NXPH2: variants seen among roughly 807,000 people sequenced by gnomAD.
NXPH2 encodes neurexophilin 2, also known as neurexophilin-2.
Under a neutral mutation model 19.8 loss-of-function variants are expected in NXPH2, and 5 were observed. The ratio of observed to expected loss-of-function variants is 0.25; its 90% CI spans 0.13 to 0.53. The LOEUF is 0.53. Ranked by LOEUF, NXPH2 falls within the 20% of genes least tolerant of loss-of-function variation. The probability of loss-of-function intolerance (pLI) is 0.96; values close to 1 mark genes in which losing one functional copy is unlikely to be tolerated. For synonymous variants in NXPH2, 154 were observed against 127.4 expected (o/e 1.21, Z -1.41); for missense variants, 289 against 322.8 (o/e 0.90, Z 0.80).
intron 1 of NXPH2, among the ~76,000 whole-genome samples, chr2:138,750,051 T>C (rs929274359): frequency 6.6e-6 from 1 of 152,122 alleles, no homozygotes; most frequent in Non-Finnish European, 1.5e-5. Flanking sequence ...TTAAACATCG[T>C]TTTCTTCTCC....
chr2:138,775,001 T>A (rs536686027), intron 1 of NXPH2, among the ~76,000 whole-genome samples: 4 of 152,238 alleles, frequency 2.6e-5, no homozygotes, highest in Non-Finnish European at 5.9e-5. Context: ...CATTATAGTT[T>A]AAGTTTATAA....
At chr2:138,769,097 C>T (rs558679877) in intron 1 of NXPH2, among the ~76,000 whole-genome samples, 2 of 152,290 alleles carry the variant, frequency 1.3e-5, no homozygotes, top group East Asian at 1.9e-4. Flanking sequence ...AAAAGAGAAT[C>T]GCAATCTCAC....
intron 1 of NXPH2, among the ~76,000 whole-genome samples, chr2:138,751,647 T>C (rs1681831701): frequency 6.6e-6 from 1 of 152,144 alleles, no homozygotes; most frequent in African/African-American, 2.4e-5. Flanking sequence ...AGGAGACATA[T>C]AATATAACCA....
intron 1 of NXPH2, among the ~76,000 whole-genome samples, chr2:138,739,646 C>T (rs1368015429): frequency 3.3e-5 from 5 of 152,092 alleles, no homozygotes; most frequent in African/African-American, 9.7e-5. Flanking sequence ...AGGTTGAGGA[C>T]GTTTGACTTT....
chr2:138,685,599 C>A (rs901159358), intron 1 of NXPH2, among the ~76,000 whole-genome samples: 2 of 152,188 alleles, frequency 1.3e-5, no homozygotes, highest in Non-Finnish European at 2.9e-5. Context: ...AGAACTCTTA[C>A]TTTAGTTGGG....
intron 1 of NXPH2, among the ~76,000 whole-genome samples, chr2:138,765,988 A>G (rs1306947985): frequency 6.6e-6 from 1 of 152,234 alleles, no homozygotes. Context: ...CAGCCCTAAC[A>G]ACTGATAATA....
At chr2:138,683,478 GGA>G (rs1315408069) in intron 1 of NXPH2, among the ~76,000 whole-genome samples, 1 of 152,208 alleles carries the variant, frequency 6.6e-6, no homozygotes, top group Non-Finnish European at 1.5e-5. Context: ...TGAGGGATGA[GGA>G]GACGTATACA....
chr2:138,719,055 G>A (rs2104992445), intron 1 of NXPH2, among the ~76,000 whole-genome samples: 1 of 152,202 alleles, frequency 6.6e-6, no homozygotes, highest in South Asian at 2.1e-4. Flanking sequence ...GTTTATTCCT[G>A]GGGAGAGAAT....
chr2:138,722,999 GA>G (rs991379881), intron 1 of NXPH2, among the ~76,000 whole-genome samples: 1 of 152,058 alleles, frequency 6.6e-6, no homozygotes, highest in African/African-American at 2.4e-5. Flanking sequence ...TTTTCTGGGT[GA>G]ACAAAAACAA....
chr2:138,765,272 A>G (rs1482927617), intron 1 of NXPH2, among the ~76,000 whole-genome samples: 1 of 152,188 alleles, frequency 6.6e-6, no homozygotes, highest in Non-Finnish European at 1.5e-5. Flanking sequence ...CATTCTCCAT[A>G]TATATAAAGG....
intron 1 of NXPH2, among the ~76,000 whole-genome samples, chr2:138,746,123 TAAG>T (rs1477474744): frequency 6.6e-6 from 1 of 152,218 alleles, no homozygotes; most frequent in East Asian, 1.9e-4. Flanking sequence ...GAGCCCATTC[TAAG>T]AAGGTGTTAG....
intron 1 of NXPH2, among the ~76,000 whole-genome samples, chr2:138,683,600 T>G (rs1680608971): frequency 2.6e-5 from 4 of 152,220 alleles, no homozygotes; most frequent in Admixed American, 1.3e-4. Flanking sequence ...ACCATTAATT[T>G]GGCAATTAGC....
intron 1 of NXPH2, among the ~76,000 whole-genome samples, chr2:138,728,762 TAATA>T (rs2104998256): frequency 6.6e-6 from 1 of 152,320 alleles, no homozygotes; most frequent in African/African-American, 2.4e-5. Flanking sequence ...AAGCTATGCA[TAATA>T]AATAAAGCAA....
intron 1 of NXPH2, among the ~76,000 whole-genome samples, chr2:138,715,305 T>C (rs190862570): frequency 1.3e-5 from 2 of 152,350 alleles, no homozygotes; most frequent in East Asian, 3.9e-4. Context: ...TACATACAAC[T>C]ATTTAGTCCA....
chr2:138,761,010 G>A (rs992540823), intron 1 of NXPH2, among the ~76,000 whole-genome samples: 4 of 152,128 alleles, frequency 2.6e-5, no homozygotes, highest in East Asian at 1.9e-4. Flanking sequence ...GGGTCTGCAC[G>A]TATACTCCTC....
chr2:138,747,366 T>A (rs12691956), intron 1 of NXPH2, among the ~76,000 whole-genome samples: 40,761 of 151,902 alleles, frequency 0.27, 6,345 homozygotes, highest in Non-Finnish European at 0.35. Context: ...GTCAGAGAGG[T>A]ACCTGCCCTC....
chr2:138,751,728 T>C (rs1681832979), intron 1 of NXPH2, among the ~76,000 whole-genome samples: 1 of 152,192 alleles, frequency 6.6e-6, no homozygotes. Context: ...ATAAGTGTAT[T>C]AACCTTTATG....
At chr2:138,749,608 T>A (rs1489576123) in intron 1 of NXPH2, among the ~76,000 whole-genome samples, 3 of 152,160 alleles carry the variant, frequency 2.0e-5, no homozygotes, top group Non-Finnish European at 2.9e-5. Context: ...TGCCTCTTTA[T>A]CCTGAGCAGA....
Position 138,707,904 on chromosome 2 carries a change from T to C in NXPH2, c.52-36239A>G, listed in dbSNP as rs374585750. Among the ~76,000 whole-genome samples the C allele has an allele frequency of 1.3e-4, 20 of 152,290 alleles. No individual in the cohort carries two copies. In the East Asian group the frequency reaches 3.7e-3, roughly 28 times the overall value. ...TCATGTCATTAGCTAATTTAATAAGTAAGACTTGTGTCTGCCCTTTTAAAA... is the reference window on the plus strand; with the variant it reads ...TCATGTCATTAGCTAATTTAATAAGCAAGACTTGTGTCTGCCCTTTTAAAA... On this transcript the variant is annotated intron_variant, in intron 1 of 1. Transcript: ENST00000272641.
Sources: gnomAD v4.1 joint callset for allele counts (sites outside exome capture counted in the v4.1 genomes callset) on GRCh38, gnomAD v4.1.1 for gene constraint, MANE v1.5 for transcripts, NCBI Gene and HGNC (gene_info 2026-07-23, HGNC 2026-07-21) for gene names.